The following GLRA3 variants were observed in gnomAD, a reference collection of about 807,000 sequenced individuals.
GLRA3 encodes the protein glycine receptor alpha 3.
Under a neutral mutation model 60.4 loss-of-function variants are expected in GLRA3, and 44 were observed. That is an observed-to-expected ratio of 0.73 (90% CI 0.57 to 0.94). The LOEUF is 0.94. GLRA3 is among the 40% of genes least tolerant of loss of function. The pLI is 0.00. For missense variants in GLRA3, 508 were observed against 564.6 expected, an observed-to-expected ratio of 0.90 and a Z score of 1.02; for synonymous variants, 223 against 192.9, an observed-to-expected ratio of 1.16 and a Z score of -1.29.
At position 174,719,823 on chromosome 4, in the gene GLRA3, A is replaced by G. The variant is rs1736069347; in HGVS notation, c.492-4253T>C. On this transcript the variant is annotated intron_variant, in intron 4 of 9. Coordinates refer to ENST00000274093, the MANE Select transcript of GLRA3 (RefSeq NM_006529.4). The stretch of plus-strand genomic sequence containing the variant: ...ACATACACAATTAAATGTATGCCAA[A>G]TTCTTCTTACGACATGCATTTTATA... Among the ~76,000 whole-genome samples the G allele has an allele frequency of 2.0e-5, 3 of 152,186 alleles. No homozygotes were observed. The South Asian group carries it at 6.2e-4, about 31-fold the overall frequency.
At chr4:174,827,245 A>G (rs1741013138) in intron 1 of GLRA3, among the ~76,000 whole-genome samples, 1 of 151,918 alleles carries the variant, frequency 6.6e-6, no homozygotes, top group Non-Finnish European at 1.5e-5. Context: ...AAGTCAGAGA[A>G]TCTAGTGATG....
intron 7 of GLRA3, among the ~76,000 whole-genome samples, chr4:174,675,416 C>G (rs1734078681): frequency 6.6e-6 from 1 of 152,008 alleles, no homozygotes; most frequent in Admixed American, 6.6e-5. Flanking sequence ...TTTCCATGCT[C>G]CCCCAATTCT....
intron 3 of GLRA3, among the ~76,000 whole-genome samples, chr4:174,758,055 T>C (rs1329077564): frequency 6.6e-6 from 1 of 152,156 alleles, no homozygotes; most frequent in Non-Finnish European, 1.5e-5. Flanking sequence ...AATCTCCTCA[T>C]GCTGGCTCCT....
At chr4:174,646,765 G>A (rs1449003344) in intron 9 of GLRA3, among the ~76,000 whole-genome samples, 1 of 152,130 alleles carries the variant, frequency 6.6e-6, no homozygotes, top group East Asian at 1.9e-4. Context: ...TCCTCCTAGG[G>A]GGCTGAGTGA....
At position 174,643,690 on chromosome 4, in the gene GLRA3, C is replaced by G; in HGVS notation, c.*96G>C. 1.4e-6 allele frequency: 2 copies of G among 1,452,688 alleles called. No individual in the cohort carries two copies. The highest frequency in any genetic ancestry group is 1.8e-6 in the Non-Finnish European group (2 of 1,098,498). The allele number at this position is 1,452,688 out of a possible 1,614,324, so 90.0% of individuals were successfully genotyped here. ...TATGCCATTTTAATACAATGGTCAT[C>G]ATTTGTATACCACACGCACACATAT... On this transcript the variant is annotated 3_prime_UTR_variant, in exon 10 of 10. Transcript: ENST00000274093.
chr4:174,734,019 C>CTTTTTTTTTTT (rs142249731), intron 3 of GLRA3, among the ~76,000 whole-genome samples: 2 of 148,880 alleles, frequency 1.3e-5, no homozygotes, highest in African/African-American at 2.5e-5. Context: ...AATAGACTTT[C>CTTTTTTTTTTT]TTTTTTTTTT....
intron 2 of GLRA3, among the ~76,000 whole-genome samples, chr4:174,772,232 T>C (rs1051273983): frequency 6.6e-6 from 1 of 152,162 alleles, no homozygotes; most frequent in Non-Finnish European, 1.5e-5. Context: ...TAATGCCTCA[T>C]TGTATTTGAA....
chr4:174,788,841 A>C lies in GLRA3; in HGVS notation c.174T>G (p.Asp58Glu). 5.6e-6 allele frequency: 9 copies of C among 1,607,738 alleles called. No homozygotes were observed. Among genetic ancestry groups the C allele is most frequent in the Non-Finnish European group, 6.8e-6 (8 of 1,176,056 alleles). The change falls in exon 2 of 10, where the codon GAT becomes GAG. Residue 58 changes from aspartate (D) to glutamate (E), a missense_variant. By Grantham distance (45) the Asp-to-Glu change is conservative. Transcript: ENST00000274093. ...CTTTAAAATTGGGTCTGATTCTTGC[A>C]TCATATCCTGATGTCCTGCCCATTA... is the stretch of plus-strand genomic sequence containing the variant. Reference protein sequence around the residue: ...DKLMGRTSGYDARIRPNFKGP... With the variant: ...DKLMGRTSGYEARIRPNFKGP...
chr4:174,692,001 G>A (rs1399055989), intron 5 of GLRA3, among the ~76,000 whole-genome samples: 9 of 151,310 alleles, frequency 5.9e-5, no homozygotes, highest in East Asian at 2.0e-4. Context: ...CCTCTGCCCC[G>A]CCGCCCCGTC....
intron 4 of GLRA3, among the ~76,000 whole-genome samples, chr4:174,727,829 G>A (rs1445179742): frequency 1.3e-5 from 2 of 151,904 alleles, no homozygotes; most frequent in Non-Finnish European, 2.9e-5. Flanking sequence ...TTTCTGATAA[G>A]TCAATAATTA....
At chr4:174,690,554 C>T (rs1734755902) in intron 5 of GLRA3, among the ~76,000 whole-genome samples, 1 of 152,134 alleles carries the variant, frequency 6.6e-6, no homozygotes, top group Admixed American at 6.5e-5. Context: ...AAGTTTGTTA[C>T]ATACGTAAAC....
chr4:174,714,956 C>T (rs1735852937), intron 5 of GLRA3, among the ~76,000 whole-genome samples: 1 of 152,136 alleles, frequency 6.6e-6, no homozygotes. Flanking sequence ...AGCTAACATA[C>T]ATAACATACC....
At chr4:174,684,963 C>T (rs1161112970) in intron 5 of GLRA3, among the ~76,000 whole-genome samples, 1 of 151,976 alleles carries the variant, frequency 6.6e-6, no homozygotes, top group Non-Finnish European at 1.5e-5. Flanking sequence ...GAGCTGAGAT[C>T]GACCATTGCA....
intron 1 of GLRA3, among the ~76,000 whole-genome samples, chr4:174,828,400 A>T (rs950150866): frequency 5.9e-5 from 9 of 152,190 alleles, no homozygotes; most frequent in Admixed American, 3.9e-4. Context: ...GTAACTTTCA[A>T]AAAAAGAGTA....
At chr4:174,710,917 C>T (rs1200369455) in intron 5 of GLRA3, among the ~76,000 whole-genome samples, 3 of 151,832 alleles carry the variant, frequency 2.0e-5, no homozygotes, top group Non-Finnish European at 4.4e-5. Context: ...GAATAGAATG[C>T]TTAGTGAAAT....
intron 1 of GLRA3, among the ~76,000 whole-genome samples, chr4:174,796,733 C>T (rs1483139280): frequency 6.6e-6 from 1 of 152,042 alleles, no homozygotes; most frequent in African/African-American, 2.4e-5. Context: ...GACAGGGTTT[C>T]TCCATGTTGG....
Position 174,645,394 on chromosome 4 carries a change from T to C in GLRA3, c.1117-1330A>G, listed in dbSNP as rs536827176. On this transcript the variant is annotated intron_variant, in intron 9 of 9. Coordinates refer to ENST00000274093, the MANE Select transcript of GLRA3 (RefSeq NM_006529.4). ...ACCACTGCACTCCAGCCCTCCAGCC[T>C]GAGCGACAGAGTGAGACTCCGTCTC... is the stretch of plus-strand genomic sequence containing the variant. Among the ~76,000 whole-genome samples the C allele has an allele frequency of 1.0e-4, 14 of 134,678 alleles. No individual in the cohort carries two copies. The South Asian group carries it at 2.9e-3, about 28-fold the overall frequency. 88.4% of individuals were successfully genotyped at this position (134,678 alleles called of 152,430 possible). A position where few individuals can be genotyped will look rare whatever the true frequency, so the allele number is the denominator to read the frequency against.
At chr4:174,818,206 G>A (rs976658443) in intron 1 of GLRA3, among the ~76,000 whole-genome samples, 25 of 152,148 alleles carry the variant, frequency 1.6e-4, no homozygotes, top group African/African-American at 6.0e-4. Context: ...AGAATTCAAG[G>A]ACAGTTAATT....
intron 9 of GLRA3, among the ~76,000 whole-genome samples, chr4:174,652,985 T>G (rs1472922432): frequency 6.6e-6 from 1 of 152,096 alleles, no homozygotes; most frequent in Admixed American, 6.6e-5. Flanking sequence ...ATAACAGCAT[T>G]AAACACATTA....
Sources: allele counts gnomAD v4.1 joint callset (sites outside exome capture counted in the v4.1 genomes callset), GRCh38; gene constraint gnomAD v4.1.1; transcripts MANE v1.5; gene names NCBI Gene and HGNC (gene_info 2026-07-23, HGNC 2026-07-21).